The following CNTN5 variants were observed in gnomAD, a reference collection of about 807,000 sequenced individuals.
CNTN5 encodes contactin-5.
A neutral mutation model predicts 129.1 loss-of-function variants in CNTN5; 77 were observed. The observed-to-expected ratio is 0.60, with a 90% CI of 0.50 to 0.72. The LOEUF (loss-of-function observed/expected upper bound fraction) is 0.72, where lower values mean the gene tolerates loss of function less well. Among genes scored for constraint, CNTN5 ranks in the 30% least tolerant of loss-of-function variants. The pLI is 0.00. For missense variants in CNTN5, 1,478 were observed against 1,328.8 expected (o/e 1.11, Z -1.75); for synonymous variants, 509 against 465.6 (o/e 1.09, Z -1.20).
chr11:99,761,056 A>C (rs1375237756), intron 3 of CNTN5, among the ~76,000 whole-genome samples: 4 of 152,142 alleles, frequency 2.6e-5, no homozygotes, highest in Non-Finnish European at 5.9e-5. Flanking sequence ...ATGAAAGATA[A>C]GTTAAAAATG....
chr11:99,770,758 CA>C (rs1211749174), intron 3 of CNTN5, among the ~76,000 whole-genome samples: 5 of 151,894 alleles, frequency 3.3e-5, no homozygotes, highest in Admixed American at 2.6e-4. Context: ...AAGTTTAATG[CA>C]AACCCTATAA....
At chr11:100,262,864 A>G (rs963876520) in intron 17 of CNTN5, among the ~76,000 whole-genome samples, 1 of 152,066 alleles carries the variant, frequency 6.6e-6, no homozygotes, top group African/African-American at 2.4e-5. Flanking sequence ...GGTGCAGCAA[A>G]CCACCATGGC....
At chr11:100,041,899 G>A (rs912272375) in intron 9 of CNTN5, among the ~76,000 whole-genome samples, 6 of 152,068 alleles carry the variant, frequency 3.9e-5, no homozygotes, top group Admixed American at 3.3e-4. Context: ...CTAATACCAG[G>A]GGAAGGCCCT....
At chr11:99,547,149 A>G (rs1948324837) in intron 2 of CNTN5, among the ~76,000 whole-genome samples, 1 of 151,644 alleles carries the variant, frequency 6.6e-6, no homozygotes, top group African/African-American at 2.4e-5. Context: ...GATTACAGTC[A>G]TGCACCACCA....
At chr11:100,205,346 C>T (rs1242748651) in intron 15 of CNTN5, among the ~76,000 whole-genome samples, 1 of 152,000 alleles carries the variant, frequency 6.6e-6, no homozygotes, top group Non-Finnish European at 1.5e-5. Context: ...TATCATATTA[C>T]AGCACAAAAA....
At chr11:99,887,678 C>T (rs1948935310) in intron 6 of CNTN5, among the ~76,000 whole-genome samples, 1 of 152,212 alleles carries the variant, frequency 6.6e-6, no homozygotes, top group African/African-American at 2.4e-5. Context: ...GGCCTGAAAG[C>T]CCCTGGCAAA....
intron 1 of CNTN5, among the ~76,000 whole-genome samples, chr11:99,070,756 C>T (rs1396755868): frequency 6.6e-6 from 1 of 151,402 alleles, no homozygotes; most frequent in Non-Finnish European, 1.5e-5. Flanking sequence ...TCTAGTGGAC[C>T]TCACTCAGAT....
intron 1 of CNTN5, among the ~76,000 whole-genome samples, chr11:99,235,354 T>C (rs1423495836): frequency 6.6e-6 from 1 of 152,288 alleles, no homozygotes; most frequent in Non-Finnish European, 1.5e-5. Context: ...TCCTTACATG[T>C]ATACTTTGGG....
At chr11:99,439,758 A>G (rs1367078505) in intron 2 of CNTN5, among the ~76,000 whole-genome samples, 3 of 151,666 alleles carry the variant, frequency 2.0e-5, no homozygotes, top group South Asian at 2.1e-4. Context: ...ACAAATTTGT[A>G]TCTAAATCTA....
intron 3 of CNTN5, among the ~76,000 whole-genome samples, chr11:99,773,655 A>C (rs963209557): frequency 6.6e-6 from 1 of 151,986 alleles, no homozygotes; most frequent in East Asian, 1.9e-4. Context: ...ATTAGCAATA[A>C]TTTTTTAAAG....
chr11:100,074,898 A>G (rs982980494), intron 13 of CNTN5, among the ~76,000 whole-genome samples: 2 of 152,166 alleles, frequency 1.3e-5, no homozygotes, highest in African/African-American at 4.8e-5. Context: ...TCATGAGGGA[A>G]TCAAATCATC....
At chr11:100,348,347 C>T (rs1245621115) in intron 23 of CNTN5, among the ~76,000 whole-genome samples, 1 of 151,944 alleles carries the variant, frequency 6.6e-6, no homozygotes, top group South Asian at 2.1e-4. Context: ...CTTAGTAGAT[C>T]TACATATATG....
chr11:99,241,318 G>GTTTTTTTTTTTTTTT (rs10648459), intron 1 of CNTN5, among the ~76,000 whole-genome samples: 3 of 88,044 alleles, frequency 3.4e-5, no homozygotes, highest in African/African-American at 4.3e-5. Context: ...TTGATTGTTG[G>GTTTTTTTTTTTTTTT]TTTTTTTTTT....
intron 3 of CNTN5, among the ~76,000 whole-genome samples, chr11:99,680,161 A>G (rs1953488042): frequency 6.6e-6 from 1 of 151,718 alleles, no homozygotes; most frequent in East Asian, 1.9e-4. Flanking sequence ...GTAGCAAGTT[A>G]TCTGGGACAT....
intron 1 of CNTN5, among the ~76,000 whole-genome samples, chr11:99,279,229 G>A (rs1192871693): frequency 6.6e-6 from 1 of 151,640 alleles, no homozygotes; most frequent in African/African-American, 2.4e-5. Context: ...TGTTTCTATT[G>A]TTACTGAACT....
At chr11:99,462,994 G>A (rs1944776096) in intron 2 of CNTN5, among the ~76,000 whole-genome samples, 1 of 151,968 alleles carries the variant, frequency 6.6e-6, no homozygotes, top group East Asian at 1.9e-4. Flanking sequence ...TGTAGTCCCA[G>A]CTACTTGGAA....
chr11:99,777,173 A>G (rs1945152603), intron 3 of CNTN5, among the ~76,000 whole-genome samples: 1 of 151,888 alleles, frequency 6.6e-6, no homozygotes, highest in Non-Finnish European at 1.5e-5. Flanking sequence ...TATATTCATG[A>G]TTTTGACAAT....
At chr11:99,833,730 G>C (rs924342552) in intron 4 of CNTN5, among the ~76,000 whole-genome samples, 1 of 152,124 alleles carries the variant, frequency 6.6e-6, no homozygotes, top group African/African-American at 2.4e-5. Flanking sequence ...GGGGCTTCCA[G>C]AGTCATAATT....
intron 2 of CNTN5, among the ~76,000 whole-genome samples, chr11:99,362,102 T>C (rs1302990848): frequency 6.6e-6 from 1 of 152,068 alleles, no homozygotes; most frequent in Non-Finnish European, 1.5e-5. Context: ...AACTCACAAG[T>C]GTTCTAATTT....
Sources: gnomAD v4.1 joint callset for allele counts (sites outside exome capture counted in the v4.1 genomes callset) on GRCh38, gnomAD v4.1.1 for gene constraint, MANE v1.5 for transcripts, NCBI Gene and HGNC (gene_info 2026-07-23, HGNC 2026-07-21) for gene names.